Variants in SF3B3 observed in about 807,000 individuals in gnomAD.
SF3B3 encodes splicing factor 3b subunit 3, also known as SAP 130.
Under a neutral mutation model 139.2 loss-of-function variants are expected in SF3B3, and 33 were observed. The ratio of observed to expected loss-of-function variants is 0.24; its 90% CI spans 0.18 to 0.32. The LOEUF is 0.32. Ranked by LOEUF, SF3B3 falls within the 10% of genes least tolerant of loss-of-function variation. The probability of loss-of-function intolerance (pLI) is 1.00; values close to 1 mark genes in which losing one functional copy is unlikely to be tolerated. For missense variants in SF3B3, 818 were observed against 1,509.4 expected (o/e 0.54, Z 7.59); for synonymous variants, 596 against 563.6 (o/e 1.06, Z -0.81).
chr16:70,556,669 T>C, intron 14 of SF3B3: 1 of 618,354 alleles, frequency 1.6e-6, no homozygotes, highest in East Asian at 2.8e-5. Context: ...CCTTTGCCAT[T>C]ATCTTCTTTG....
intron 25 of SF3B3, 22 bp from the exon 26 acceptor site, chr16:70,571,651 T>A: frequency 6.3e-7 from 1 of 1,593,094 alleles, no homozygotes; most frequent in Non-Finnish European, 8.5e-7. Context: ...TTTTTTTTCT[T>A]TCTGCTTTCT....
intron 15 of SF3B3, among the ~76,000 whole-genome samples, chr16:70,558,267 T>A (rs2050396352): frequency 8.5e-6 from 1 of 117,736 alleles, no homozygotes; most frequent in Non-Finnish European, 1.6e-5. Flanking sequence ...AAAAGTAATT[T>A]TAATGTTTTT....
chr16:70,564,367 A>G (rs1195430636), intron 18 of SF3B3, among the ~76,000 whole-genome samples: 1 of 152,216 alleles, frequency 6.6e-6, no homozygotes, highest in East Asian at 1.9e-4. Flanking sequence ...ACGAGACTCT[A>G]TCAAAAGTTT....
intron 1 of SF3B3, 23 bp from the exon 2 acceptor site, chr16:70,526,564 T>C: frequency 1.2e-6 from 1 of 810,380 alleles, no homozygotes; most frequent in Non-Finnish European, 2.0e-6. Flanking sequence ...TCCCAGCTAT[T>C]TTTCTGTTTT....
chr16:70,568,187 G>A (rs2050494923), intron 21 of SF3B3, 96 bp from the exon 22 acceptor site: 8 of 929,626 alleles, frequency 8.6e-6, no homozygotes, highest in South Asian at 7.2e-5. Context: ...TTGCTGTTCT[G>A]CTGACCCTAC....
chr16:70,542,415 C>A (rs2050227690), intron 9 of SF3B3, among the ~76,000 whole-genome samples: 1 of 152,186 alleles, frequency 6.6e-6, no homozygotes, highest in Non-Finnish European at 1.5e-5. Context: ...AAGGAGGAAC[C>A]TGAAGTGGCT....
chr16:70,528,462 G>C (rs1393720872), intron 2 of SF3B3, among the ~76,000 whole-genome samples: 1 of 127,758 alleles, frequency 7.8e-6, no homozygotes, highest in Admixed American at 8.0e-5. Flanking sequence ...ACTGTGCGTG[G>C]CCTTTTTTTT....
In SF3B3 at chr16:70,530,878, T is replaced by C. The variant is rs781467882; in HGVS notation, c.531T>C (p.Phe177=). 1 of 1,613,756 alleles carries C rather than the reference T, an allele frequency of 6.2e-7. No homozygotes were observed. The highest frequency in any genetic ancestry group is 8.5e-7 in the Non-Finnish European group (1 of 1,179,914). ...VYHVVGVDVG[F]ENPMFACLEM... is the part of the protein sequence containing the mutation. ...ATGTAGTTGGAGTAGATGTCGGATT[T>C]GAAAATCCAATGTTTGCTTGTCTGG... The change falls in exon 4 of 26, where the codon TTT becomes TTC. Residue 177 remains phenylalanine, a synonymous_variant. Coordinates refer to ENST00000302516, the MANE Select transcript of SF3B3 (RefSeq NM_012426.5).
intron 23 of SF3B3, 63 bp from the exon 24 acceptor site, chr16:70,569,943 C>T: frequency 6.3e-7 from 1 of 1,595,504 alleles, no homozygotes; most frequent in South Asian, 1.1e-5. Context: ...CACTGCTTGC[C>T]CTTGGGAGTC....
chr16:70,564,451 C>T (rs765198668), intron 18 of SF3B3, among the ~76,000 whole-genome samples: 2 of 152,196 alleles, frequency 1.3e-5, no homozygotes, highest in African/African-American at 2.4e-5. Flanking sequence ...AAGCAGAGGC[C>T]TTTGCCCCAA....
chr16:70,565,792 C>G (rs761508940), intron 20 of SF3B3: 5 of 350,182 alleles, frequency 1.4e-5, no homozygotes, highest in African/African-American at 4.1e-5. Flanking sequence ...AAGCAGGCAA[C>G]AATTTGTGAC....
intron 17 of SF3B3, among the ~76,000 whole-genome samples, chr16:70,562,651 C>T (rs2050439777): frequency 6.6e-6 from 1 of 152,128 alleles, no homozygotes; most frequent in African/African-American, 2.4e-5. Context: ...CTTGTTGTAG[C>T]CTCATCTGTG....
chr16:70,545,650 C>T (rs1380363691), intron 10 of SF3B3, among the ~76,000 whole-genome samples: 1 of 152,182 alleles, frequency 6.6e-6, no homozygotes, highest in African/African-American at 2.4e-5. Context: ...CTACCTGTTT[C>T]TGTAAATTTT....
intron 8 of SF3B3, among the ~76,000 whole-genome samples, chr16:70,540,067 G>A (rs1403598568): frequency 6.7e-6 from 1 of 150,180 alleles, no homozygotes; most frequent in Non-Finnish European, 1.5e-5. Flanking sequence ...GAGCCACTGC[G>A]CCCAGCAGTA....
At position 70,575,083 on chromosome 16, in the gene SF3B3, C is replaced by T. The variant is rs945267052; in HGVS notation, c.*3270C>T. 3 of 152,100 alleles carry T rather than the reference C, an allele frequency of 2.0e-5. No individual in the cohort carries two copies. Among genetic ancestry groups the T allele is most frequent in the South Asian group, 2.1e-4 (1 of 4,822 alleles). 9.4% of individuals were successfully genotyped at this position (152,100 alleles called of 1,614,324 possible). Reference sequence around the variant, plus strand: ...ATTTGAGTGATCTGGTAGCCCAACACACCCTGTGAAGTTCAGGTGAACTGA... The same window carrying T: ...ATTTGAGTGATCTGGTAGCCCAACATACCCTGTGAAGTTCAGGTGAACTGA... On this transcript the variant is annotated 3_prime_UTR_variant, in exon 26 of 26. Transcript: ENST00000302516.
rs1041666819 is a variant in SF3B3 at position 70,573,278 on chromosome 16, G to A, written c.*1465G>A. 6.6e-5 allele frequency: 10 copies of A among 152,110 alleles called. No homozygotes were observed. The highest frequency in any genetic ancestry group is 2.4e-4 in the African/African-American group (10 of 41,408). 9.4% of individuals were successfully genotyped at this position (152,110 alleles called of 1,614,324 possible). On this transcript the variant is annotated 3_prime_UTR_variant, in exon 26 of 26. Coordinates refer to ENST00000302516, the MANE Select transcript of SF3B3 (RefSeq NM_012426.5). ...TTAGATTTTGAAAACCTAATTTCAG[G>A]GCTCATTTTTTCCTGTGGCCCTAAA...
chr16:70,563,831 G>T (rs776833140), intron 17 of SF3B3, 45 bp from the exon 18 acceptor site: 17 of 1,586,864 alleles, frequency 1.1e-5, no homozygotes, highest in Non-Finnish European at 1.4e-5. Context: ...ACCAGTTTCT[G>T]GGTCCGAGTG....
At chr16:70,528,023 C>T (rs1016908878) in intron 2 of SF3B3, among the ~76,000 whole-genome samples, 10 of 152,132 alleles carry the variant, frequency 6.6e-5, no homozygotes, top group South Asian at 2.1e-4. Flanking sequence ...GATCCACCCA[C>T]CTTAGCCTCC....
intron 13 of SF3B3, 27 bp downstream of exon 13, chr16:70,555,233 G>A (rs772934321): frequency 3.9e-5 from 62 of 1,604,330 alleles, no homozygotes; most frequent in Non-Finnish European, 5.2e-5. Context: ...TTCACTGTGG[G>A]ACTTATTGTA....
Sources: gnomAD v4.1 joint callset for allele counts (sites outside exome capture counted in the v4.1 genomes callset) on GRCh38, gnomAD v4.1.1 for gene constraint, MANE v1.5 for transcripts, NCBI Gene and HGNC (gene_info 2026-07-23, HGNC 2026-07-21) for gene names.